Variants in ZNF517 observed in about 807,000 individuals in gnomAD.
ZNF517 encodes the protein zinc finger protein 517.
Under a neutral mutation model 12.1 loss-of-function variants are expected in ZNF517, and 12 were observed. That is an observed-to-expected ratio of 0.99 (90% confidence interval 0.63 to 1.61). The LOEUF (loss-of-function observed/expected upper bound fraction) is 1.61, where lower values mean the gene tolerates loss of function less well. ZNF517 is among the 40% of genes most tolerant of loss of function. The probability of loss-of-function intolerance (pLI) is 0.00; values close to 1 mark genes in which losing one functional copy is unlikely to be tolerated. For missense variants in ZNF517, 781 were observed against 693.2 expected (o/e 1.13, Z -1.42); for synonymous variants, 388 against 310.2 (o/e 1.25, Z -2.63).
downstream of ZNF517, among the ~76,000 whole-genome samples, chr8:144,812,371 G>C (rs7387248): frequency 3.8e-5 from 4 of 104,938 alleles, no homozygotes; most frequent in African/African-American, 1.4e-4. Context: ...GGGAGAGACA[G>C]GGACAATAAA....
Position 144,802,922 on chromosome 8 carries a change from T to C in ZNF517, c.8T>C (p.Met3Thr). MA[M>T]ALPMPGPQEA... ...CCACAGAGGGACCCTGGAATGGCGA[T>C]GGCACTCCCGATGCCTGGACCTCAG... The change falls in exon 2 of 5, where the codon ATG becomes ACG. Residue 3 changes from methionine to threonine, a missense_variant. By Grantham distance (81) the Met-to-Thr change is moderately conservative (BLOSUM62 -1). Coordinates refer to ENST00000359971, the MANE Select transcript of ZNF517 (RefSeq NM_213605.3). 1 of 1,613,984 alleles carries C rather than the reference T, an allele frequency of 6.2e-7. No homozygotes were observed. Among genetic ancestry groups the C allele is most frequent in the Non-Finnish European group, 8.5e-7 (1 of 1,179,926 alleles).
chr8:144,807,901 G>T lies in ZNF517; in HGVS notation c.985G>T (p.Gly329Trp), dbSNP rs763430728. 1.3e-6 allele frequency: 2 copies of T among 1,536,880 alleles called. No homozygotes were observed. The highest frequency in any genetic ancestry group is 4.6e-5 in the East Asian group (2 of 43,698). Reference protein sequence around the residue: ...CLRCGQRFIRGSSLLKHHRLH... With the variant: ...CLRCGQRFIRWSSLLKHHRLH... ...GCGGTGTGGGCAGCGCTTCATCCGA[G>T]GGTCCTCGCTCCTGAAGCACCACCG... Residue 329 changes from glycine to tryptophan, a missense_variant, in exon 5 of 5, where the codon GGG becomes TGG. Gly to Trp is a radical substitution (Grantham distance 184). Coordinates refer to ENST00000359971, the MANE Select transcript of ZNF517 (RefSeq NM_213605.3).
At chr8:144,805,467 A>G (rs547855221) in intron 4 of ZNF517, among the ~76,000 whole-genome samples, 1 of 151,854 alleles carries the variant, frequency 6.6e-6, no homozygotes, top group Admixed American at 6.6e-5. Flanking sequence ...AGTAGCTGGG[A>G]CTACAGGCGC....
Position 144,807,384 on chromosome 8 carries a change from C to A in ZNF517, c.468C>A (p.His156Gln). 6.4e-7 allele frequency: 1 copy of A among 1,557,472 alleles called. No individual in the cohort carries two copies. ...DKPTHPRARE[H>Q]SASPRVLQED... The stretch of plus-strand genomic sequence containing the variant: ...CCACCCACCCCCGGGCTCGGGAGCA[C>A]AGCGCCTCCCCAAGGGTTCTGCAGG... The change falls in exon 5 of 5, where the codon CAC becomes CAA. Residue 156 changes from histidine to glutamine, a missense_variant. Transcript: ENST00000359971.
At chr8:144,811,704 A>G (rs1159811437), downstream of ZNF517, among the ~76,000 whole-genome samples, 1 of 135,246 alleles carries the variant, frequency 7.4e-6, no homozygotes, top group Non-Finnish European at 1.5e-5. Flanking sequence ...TGCAGACTGC[A>G]GCGTGGAAGC....
chr8:144,803,582 C>G, intron 2 of ZNF517, 59 bp from the exon 3 acceptor site: 1 of 1,601,522 alleles, frequency 6.2e-7, no homozygotes, highest in Non-Finnish European at 8.5e-7. Flanking sequence ...AAATGTTTCT[C>G]ATCTGCTGGG....
intron 3 of ZNF517, 124 bp downstream of exon 3, chr8:144,803,891 G>A (rs553393279): frequency 4.1e-5 from 57 of 1,403,258 alleles, no homozygotes; most frequent in Middle Eastern, 4.9e-4. Flanking sequence ...GGCTCCCCAA[G>A]GAGCCCCTCT....
rs930044377 is a variant in ZNF517 at position 144,808,239 on chromosome 8, G to C, written c.1323G>C (p.Glu441Asp). 4 of 1,601,100 alleles carry C rather than the reference G, an allele frequency of 2.5e-6. No individual in the cohort carries two copies. The highest frequency in any genetic ancestry group is 2.2e-5 in the South Asian group (2 of 89,486). ...TCCGCAGGAGCTACACGCTGAACGAGCACTACCGGCTCCACAGCGGCGAGA... is the reference window on the plus strand; with the variant it reads ...TCCGCAGGAGCTACACGCTGAACGACCACTACCGGCTCCACAGCGGCGAGA... ...KAFRRSYTLN[E>D]HYRLHSGERP... Residue 441 changes from glutamate to aspartate, a missense_variant, in exon 5 of 5, where the codon GAG (glutamate) becomes GAC (aspartate). Physicochemically the swap from Glu to Asp is conservative, Grantham distance 45. Coordinates refer to ENST00000359971, the MANE Select transcript of ZNF517 (RefSeq NM_213605.3).
downstream of ZNF517, among the ~76,000 whole-genome samples, chr8:144,812,717 AG>A (rs1365322601): frequency 6.6e-6 from 1 of 152,218 alleles, no homozygotes; most frequent in East Asian, 1.9e-4. Context: ...GCCTTCTCAA[AG>A]CTGCACTGCA....
Position 144,804,258 on chromosome 8 carries a change from A to C in ZNF517, c.274+20A>C. On this transcript the variant is annotated intron_variant, in intron 4 of 4. Transcript: ENST00000359971. Reference sequence around the variant, plus strand: ...GCACAGGTGAGTACAAAGCACCCACAGGGCGTGTCCTGTGCTGCCAATGTG... The same window carrying C: ...GCACAGGTGAGTACAAAGCACCCACCGGGCGTGTCCTGTGCTGCCAATGTG... The C allele has an allele frequency of 6.2e-7, 1 of 1,601,862 alleles. No individual in the cohort carries two copies. The highest frequency in any genetic ancestry group is 8.5e-7 in the Non-Finnish European group (1 of 1,171,656).
Position 144,804,232 on chromosome 8 carries a change from T to G in ZNF517, c.268T>G (p.Cys90Gly), listed in dbSNP as rs1450758951. ...AEQSVAKASLCTDSRMEAGIM... is the reference protein window; with the variant it reads ...AEQSVAKASLGTDSRMEAGIM... ...ACAGAGCGTGGCCAAAGCCAGCCTGTGCACAGGTGAGTACAAAGCACCCAC... is the reference window on the plus strand; with the variant it reads ...ACAGAGCGTGGCCAAAGCCAGCCTGGGCACAGGTGAGTACAAAGCACCCAC... The change falls in exon 4 of 5, where the codon TGC becomes GGC. Residue 90 changes from cysteine (C) to glycine (G), a missense_variant. Coordinates refer to ENST00000359971, the MANE Select transcript of ZNF517 (RefSeq NM_213605.3). The G allele has an allele frequency of 1.2e-6, 2 of 1,613,244 alleles. No individual in the cohort carries two copies. Among genetic ancestry groups the G allele is most frequent in the Non-Finnish European group, 1.7e-6 (2 of 1,179,714 alleles).
chr8:144,808,134 T>G lies in ZNF517; in HGVS notation c.1218T>G (p.Gly406=), dbSNP rs1827374126. The G allele has an allele frequency of 6.2e-7, 1 of 1,604,366 alleles. No homozygotes were observed. Among genetic ancestry groups the G allele is most frequent in the Admixed American group, 1.7e-5 (1 of 58,708 alleles). The change falls in exon 5 of 5, where the codon GGT becomes GGG. Residue 406 remains glycine, a synonymous_variant. Coordinates refer to ENST00000359971, the MANE Select transcript of ZNF517 (RefSeq NM_213605.3). The stretch of plus-strand genomic sequence containing the variant: ...GCGCGGAGTGCGGCAAGGCCTTCGG[T>G]CGCAAGTCCAACCTCACTCTGCACC... ...FECAECGKAF[G]RKSNLTLHQK...
downstream of ZNF517, among the ~76,000 whole-genome samples, chr8:144,811,450 G>A (rs892279642): frequency 7.6e-5 from 11 of 145,398 alleles, no homozygotes; most frequent in Admixed American, 7.5e-4. Context: ...CTGAGACAGG[G>A]TGGGAGAGAC....
In ZNF517 at chr8:144,808,938, T is replaced by C. The variant is rs1229708551; in HGVS notation, c.*543T>C. The C allele has an allele frequency of 6.6e-6, 1 of 152,320 alleles. No homozygotes were observed. The highest frequency in any genetic ancestry group is 1.5e-5 in the Non-Finnish European group (1 of 68,204). The allele number at this position is 152,320 out of a possible 1,614,324, so 9.4% of individuals were successfully genotyped here. A position where few individuals can be genotyped will look rare whatever the true frequency, so the allele number is the denominator to read the frequency against. On this transcript the variant is annotated 3_prime_UTR_variant, in exon 5 of 5. Coordinates refer to ENST00000359971, the MANE Select transcript of ZNF517 (RefSeq NM_213605.3). ...GGGAGGTTTGCTTAAGCCCAGGAGT[T>C]TGAGACCAGCTTGGGCAACATGGTG...
chr8:144,802,862 T>TC lies in ZNF517; in HGVS notation c.-45-5dup. ...GCTCTTTCCACTCATGGCTCTATGT[T>TC]CCCTCAGAATTCACTGTCTGTAGCA... On this transcript the variant is annotated splice_region_variant and splice_polypyrimidine_tract_variant and intron_variant, in intron 1 of 4. Coordinates refer to ENST00000359971, the MANE Select transcript of ZNF517 (RefSeq NM_213605.3). 5 of 1,613,492 alleles carry TC rather than the reference T, an allele frequency of 3.1e-6. No homozygotes were observed. The highest frequency in any genetic ancestry group is 4.2e-6 in the Non-Finnish European group (5 of 1,179,802).
At position 144,809,710 on chromosome 8, in the gene ZNF517, G is replaced by A. The variant is rs1827482293; in HGVS notation, c.*1315G>A. ...GTCTCCAGCTTGCAGACAGCCTATG[G>A]GAGGACTTCTCAGCCTCCATAAGTG... On this transcript the variant is annotated 3_prime_UTR_variant, in exon 5 of 5. Transcript: ENST00000359971. 6.5e-6 allele frequency: 1 copy of A among 153,778 alleles called. No individual in the cohort carries two copies. Among genetic ancestry groups the A allele is most frequent in the Non-Finnish European group, 1.4e-5 (1 of 69,232 alleles). 9.5% of individuals were successfully genotyped at this position (153,778 alleles called of 1,614,324 possible).
intron 1 of ZNF517, 97 bp from the exon 2 acceptor site, chr8:144,802,773 C>G: frequency 6.5e-7 from 1 of 1,545,718 alleles, no homozygotes; most frequent in Non-Finnish European, 8.7e-7. Flanking sequence ...TAGCACTTTA[C>G]CCTCTCCTGC....
Position 144,808,455 on chromosome 8 carries a change from A to T in ZNF517, c.*60A>T. The T allele has an allele frequency of 1.4e-6, 2 of 1,424,166 alleles. No homozygotes were observed. The highest frequency in any genetic ancestry group is 2.7e-5 in the East Asian group (1 of 37,498). 88.2% of individuals were successfully genotyped at this position (1,424,166 alleles called of 1,614,324 possible). Reference sequence around the variant, plus strand: ...AGCCCACCCAAGCCGGCGGGGCCCTAGCGCAGAAATTCAGAACCCCCTGTC... The same window carrying T: ...AGCCCACCCAAGCCGGCGGGGCCCTTGCGCAGAAATTCAGAACCCCCTGTC... On this transcript the variant is annotated 3_prime_UTR_variant, in exon 5 of 5. Transcript: ENST00000359971.
intron 4 of ZNF517, among the ~76,000 whole-genome samples, chr8:144,804,588 CAAAG>C (rs1563808263): frequency 6.6e-6 from 1 of 151,988 alleles, no homozygotes; most frequent in East Asian, 1.9e-4. Context: ...AGACACAAGA[CAAAG>C]AGATAGAAGA....
Sources: gnomAD v4.1 joint callset for allele counts (sites outside exome capture counted in the v4.1 genomes callset) on GRCh38, gnomAD v4.1.1 for gene constraint, MANE v1.5 for transcripts, NCBI Gene and HGNC (gene_info 2026-07-23, HGNC 2026-07-21) for gene names.